TRIM62: variants seen among roughly 807,000 people sequenced by gnomAD.
The protein encoded by TRIM62 is tripartite motif containing 62.
TRIM62 carries 39 observed loss-of-function variants against 44.2 expected under a neutral mutation model. That is an observed-to-expected ratio of 0.88 (90% CI 0.68 to 1.15). The LOEUF is 1.15. Among genes scored for constraint, TRIM62 ranks in the 50% most tolerant of loss-of-function variants. The pLI, the probability that TRIM62 is intolerant of heterozygous loss-of-function variation, is 0.00. For synonymous variants in TRIM62, 278 were observed against 292.3 expected (o/e 0.95, Z 0.50); for missense variants, 544 against 665.5 (o/e 0.82, Z 2.01).
At chr1:33,155,419 C>T (rs1000871744) in intron 4 of TRIM62, among the ~76,000 whole-genome samples, 4 of 151,940 alleles carry the variant, frequency 2.6e-5, no homozygotes, top group African/African-American at 9.7e-5. Context: ...GTTTGTGGAA[C>T]AGAAGAATGA....
intron 1 of TRIM62, among the ~76,000 whole-genome samples, chr1:33,166,698 G>C (rs1442296116): frequency 6.6e-6 from 1 of 152,098 alleles, no homozygotes; most frequent in Non-Finnish European, 1.5e-5. Flanking sequence ...TTGATGCCAG[G>C]TGACACGTTT....
chr1:33,181,887 C>T lies in TRIM62; in HGVS notation c.-455G>A, dbSNP rs1409579497. The T allele has an allele frequency of 2.3e-5, 4 of 171,378 alleles. No individual in the cohort carries two copies. The highest frequency in any genetic ancestry group is 7.2e-5 in the African/African-American group (3 of 41,566). 10.6% of individuals were successfully genotyped at this position (171,378 alleles called of 1,614,324 possible). On this transcript the variant is annotated 5_prime_UTR_variant, in exon 1 of 5. It introduces an in-frame stop codon into an upstream open reading frame of the 5' UTR. Transcript: ENST00000291416. This position sits in a 1 kb window ranked among gnomAD's most constrained non-coding sequence, Gnocchi z 6.5. ...TGGGGAATCCTGGGGGAGGGGGCAGCCAGGCCGAGCCGTACATTGGCTGTG... is the reference window on the plus strand; with the variant it reads ...TGGGGAATCCTGGGGGAGGGGGCAGTCAGGCCGAGCCGTACATTGGCTGTG...
Position 33,181,013 on chromosome 1 carries a change from C to A in TRIM62, c.408+12G>T. On this transcript the variant is annotated intron_variant, in intron 1 of 4. Transcript: ENST00000291416. This position sits in a 1 kb window ranked among gnomAD's most constrained non-coding sequence, Gnocchi z 6.5. The stretch of plus-strand genomic sequence containing the variant: ...GGCCCCGCCCCTTCCCCAGGCAGGC[C>A]GGGTAGCGCACCTGCAGCTCGTCGA... 2 of 1,480,936 alleles carry A rather than the reference C, an allele frequency of 1.4e-6. No individual in the cohort carries two copies. Among genetic ancestry groups the A allele is most frequent in the Non-Finnish European group, 1.8e-6 (2 of 1,112,664 alleles). The allele number at this position is 1,480,936 out of a possible 1,614,324, so 91.7% of individuals were successfully genotyped here.
intron 1 of TRIM62, among the ~76,000 whole-genome samples, chr1:33,178,775 G>T (rs1645440150): frequency 6.6e-6 from 1 of 152,240 alleles, no homozygotes; most frequent in Non-Finnish European, 1.5e-5. Flanking sequence ...GAGTAAGCAA[G>T]TGGCAGTCCT....
chr1:33,157,906 G>A (rs1014737124), intron 4 of TRIM62, among the ~76,000 whole-genome samples: 2 of 152,054 alleles, frequency 1.3e-5, no homozygotes, highest in Non-Finnish European at 2.9e-5. Flanking sequence ...ACAGGTGCAC[G>A]CCACCATGCC....
At chr1:33,150,141 C>T (rs1479129930) in intron 4 of TRIM62, among the ~76,000 whole-genome samples, 1 of 152,222 alleles carries the variant, frequency 6.6e-6, no homozygotes, top group African/African-American at 2.4e-5. Flanking sequence ...TTTCCTTAGC[C>T]TGAATGACCA....
In TRIM62 at chr1:33,161,383, T is replaced by C. The variant is rs1645264735; in HGVS notation, c.505-1439A>G. On this transcript the variant is annotated intron_variant, in intron 2 of 4. Transcript: ENST00000291416. The surrounding 1 kb of genome is among the most constrained non-coding windows in gnomAD (Gnocchi z 4.3). Reference sequence around the variant, plus strand: ...TGCAGCAGCATGTGGGGCCTGCCTCTGCAATTTTACTTTGTGGGATTCTGG... The same window carrying C: ...TGCAGCAGCATGTGGGGCCTGCCTCCGCAATTTTACTTTGTGGGATTCTGG... Among the ~76,000 whole-genome samples, 1 of 152,044 alleles carries C rather than the reference T, an allele frequency of 6.6e-6. No individual in the cohort carries two copies. Among genetic ancestry groups the C allele is most frequent in the Non-Finnish European group, 1.5e-5 (1 of 68,000 alleles).
At chr1:33,176,714 T>A (rs1020926706) in intron 1 of TRIM62, among the ~76,000 whole-genome samples, 5 of 152,180 alleles carry the variant, frequency 3.3e-5, no homozygotes, top group Admixed American at 6.5e-5. Context: ...AGGGACGGTA[T>A]GTGGCCTAGT....
chr1:33,162,667 C>A (rs565523107), intron 2 of TRIM62, among the ~76,000 whole-genome samples: 6 of 152,146 alleles, frequency 3.9e-5, no homozygotes, highest in African/African-American at 1.4e-4. Flanking sequence ...TTCAATGTCT[C>A]AAGGACGAGA....
intron 1 of TRIM62, among the ~76,000 whole-genome samples, chr1:33,169,009 C>T (rs954355621): frequency 3.0e-5 from 2 of 66,140 alleles, no homozygotes; most frequent in African/African-American, 1.3e-4. Flanking sequence ...TTGCTCCTTC[C>T]TCCTGGATCC....
intron 1 of TRIM62, among the ~76,000 whole-genome samples, chr1:33,173,423 G>A (rs759200426): frequency 6.6e-6 from 1 of 152,118 alleles, no homozygotes; most frequent in Non-Finnish European, 1.5e-5. Context: ...GTGTGCGCAT[G>A]CATGTGTATG....
intron 4 of TRIM62, among the ~76,000 whole-genome samples, chr1:33,155,660 C>A (rs950446535): frequency 2.0e-5 from 3 of 152,136 alleles, no homozygotes; most frequent in Non-Finnish European, 4.4e-5. Context: ...CAGCTCTGTG[C>A]CTCCGTTACT....
chr1:33,167,405 G>A lies in TRIM62; in HGVS notation c.409-1839C>T, dbSNP rs527567229. 1.3e-5 allele frequency among the ~76,000 whole-genome samples: 2 copies of A among 152,364 alleles called. No homozygotes were observed. The highest frequency in any genetic ancestry group is 1.3e-4 in the Admixed American group (2 of 15,304). On this transcript the variant is annotated intron_variant, in intron 1 of 4. Transcript: ENST00000291416. This position sits in a 1 kb window ranked among gnomAD's most constrained non-coding sequence, Gnocchi z 4.2. The stretch of plus-strand genomic sequence containing the variant: ...ATTTGTCAAGTGATAAATGGGTTGT[G>A]GAGGTGAGTGCTCCCTAGCACAGGG...
At chr1:33,158,997 C>G (rs60570773) in intron 3 of TRIM62, among the ~76,000 whole-genome samples, 1 of 152,002 alleles carries the variant, frequency 6.6e-6, no homozygotes, top group Non-Finnish European at 1.5e-5. Context: ...CCTGCCACCA[C>G]GCCCGGCTAA....
chr1:33,151,725 C>T (rs897764440), intron 4 of TRIM62, among the ~76,000 whole-genome samples: 3 of 152,180 alleles, frequency 2.0e-5, no homozygotes, highest in Non-Finnish European at 4.4e-5. Flanking sequence ...GTGTGTTGTC[C>T]ATTCATTTAA....
rs1470764957 is a variant in TRIM62, at chr1:33,177,250, GCTT to G, written c.408+3772_408+3774del. The stretch of plus-strand genomic sequence containing the variant: ...TTTAACTTTTACATTATACAGCTCT[GCTT>G]CTTATGTTAATTTTATAATCAGAAT... On this transcript the variant is annotated intron_variant, in intron 1 of 4. Transcript: ENST00000291416. This position sits in a 1 kb window ranked among gnomAD's most constrained non-coding sequence, Gnocchi z 4.1. 1.3e-5 allele frequency among the ~76,000 whole-genome samples: 2 copies of G among 152,174 alleles called. No homozygotes were observed. The highest frequency in any genetic ancestry group is 6.5e-5 in the Admixed American group (1 of 15,280).
chr1:33,158,173 A>C, intron 4 of TRIM62, 80 bp downstream of exon 4: 1 of 1,316,456 alleles, frequency 7.6e-7, no homozygotes, highest in South Asian at 1.2e-5. Context: ...CAACTGCCCC[A>C]TGCTGTGTTT....
In TRIM62 at chr1:33,147,077, C is replaced by G. The variant is rs1645029253; in HGVS notation, c.*100G>C. 7.2e-7 allele frequency: 1 copy of G among 1,379,452 alleles called. No homozygotes were observed. The allele number at this position is 1,379,452 out of a possible 1,614,324, so 85.5% of individuals were successfully genotyped here. On this transcript the variant is annotated 3_prime_UTR_variant, in exon 5 of 5. Transcript: ENST00000291416. This position sits in a 1 kb window ranked among gnomAD's most constrained non-coding sequence, Gnocchi z 8.1. ...GGGTAAACAACTGGCCTGAGGTCTC[C>G]AGTGGCCACGGTGGGCTGGAGTCCA...
At position 33,165,193 on chromosome 1, in the gene TRIM62, TCCAC is replaced by T; in HGVS notation, c.504+274_504+277del. ...GAGGGTCCCGGGACCCGCCTCAACT[TCCAC>T]CCAAAGTGGGAAGGGAGAAATGGCC... On this transcript the variant is annotated intron_variant, in intron 2 of 4. Transcript: ENST00000291416. This position sits in a 1 kb window ranked among gnomAD's most constrained non-coding sequence, Gnocchi z 4.0. 3.0e-6 allele frequency: 1 copy of T among 335,552 alleles called. No homozygotes were observed. The highest frequency in any genetic ancestry group is 5.5e-6 in the Non-Finnish European group (1 of 180,790). The allele number at this position is 335,552 out of a possible 1,614,324, so 20.8% of individuals were successfully genotyped here. A position where few individuals can be genotyped will look rare whatever the true frequency, so the allele number is the denominator to read the frequency against.
Sources: allele counts gnomAD v4.1 joint callset (sites outside exome capture counted in the v4.1 genomes callset), GRCh38; gene constraint gnomAD v4.1.1; non-coding constraint Gnocchi (gnomAD v3.1); transcripts MANE v1.5; gene names NCBI Gene and HGNC (gene_info 2026-07-23, HGNC 2026-07-21).